Variants in WDR11 observed in about 807,000 individuals in gnomAD.
WDR11 encodes WD repeat-containing protein 11.
WDR11 carries 83 observed loss-of-function variants against 151.2 expected under a neutral mutation model. The ratio of observed to expected loss-of-function variants is 0.55; its 90% confidence interval spans 0.46 to 0.66. WDR11 has a LOEUF of 0.66. Ranked by LOEUF, WDR11 falls within the 30% of genes least tolerant of loss-of-function variation. The pLI, the probability that WDR11 is intolerant of heterozygous loss-of-function variation, is 0.00. For synonymous variants in WDR11, 484 were observed against 533.1 expected (o/e 0.91, Z 1.27); for missense variants, 1,301 against 1,480.9 (o/e 0.88, Z 1.99).
intron 4 of WDR11, among the ~76,000 whole-genome samples, 158 bp downstream of exon 4, chr10:120,860,440 A>T (rs937590889): frequency 6.6e-6 from 1 of 152,200 alleles, no homozygotes. Flanking sequence ...GCAGCTCCTA[A>T]TACACATACT....
chr10:120,858,625 G>C lies in WDR11; in HGVS notation c.199-18G>C, dbSNP rs535792986. ...TCCAGCGCAAGTATTTACTTGATCTGATTTCTTCTTGATACAGGTTAAATG... is the reference window on the plus strand; with the variant it reads ...TCCAGCGCAAGTATTTACTTGATCTCATTTCTTCTTGATACAGGTTAAATG... On this transcript the variant is annotated intron_variant, in intron 2 of 28. Transcript: ENST00000263461. The C allele has an allele frequency of 1.2e-5, 19 of 1,614,100 alleles. No individual in the cohort carries two copies. In the African/African-American group the frequency reaches 2.1e-4, roughly 18 times the overall value.
chr10:120,861,254 A>G (rs1326830753), intron 4 of WDR11, among the ~76,000 whole-genome samples: 2 of 152,190 alleles, frequency 1.3e-5, no homozygotes, highest in East Asian at 1.9e-4. Flanking sequence ...CACGTGTTAA[A>G]GGAGGAAGAG....
chr10:120,858,874 C>T, intron 3 of WDR11, 78 bp downstream of exon 3: 1 of 1,554,308 alleles, frequency 6.4e-7, no homozygotes, highest in Non-Finnish European at 8.8e-7. Flanking sequence ...TGGGGGTTTT[C>T]CCCCATTCAT....
In WDR11 at chr10:120,880,674, A is replaced by G. The variant is rs756390205; in HGVS notation, c.1664-152A>G. 9.4e-6 allele frequency: 7 copies of G among 745,318 alleles called. No individual in the cohort carries two copies. The African/African-American group carries it at 1.1e-4, about 11-fold the overall frequency. The allele number at this position is 745,318 out of a possible 1,614,324, so 46.2% of individuals were successfully genotyped here. ...ACCATCTCAAAAAAAAAAACCCGAA[A>G]AAACAGAAACAGATTAGAAGCAAAT... On this transcript the variant is annotated intron_variant, in intron 12 of 28. Transcript: ENST00000263461.
At chr10:120,904,279 T>C in intron 24 of WDR11, 137 bp downstream of exon 24, 1 of 730,778 alleles carries the variant, frequency 1.4e-6, no homozygotes, top group Non-Finnish European at 2.3e-6. Context: ...CAGTTTAGGC[T>C]TTCTTTCAAA....
chr10:120,881,904 C>T (rs1017604142), intron 13 of WDR11, among the ~76,000 whole-genome samples: 11 of 152,040 alleles, frequency 7.2e-5, no homozygotes, highest in Non-Finnish European at 1.6e-4. Context: ...ATGTCAGCTA[C>T]GAGCTGACAT....
intron 16 of WDR11, among the ~76,000 whole-genome samples, chr10:120,887,969 G>T (rs1847281596): frequency 1.3e-5 from 2 of 151,606 alleles, no homozygotes; most frequent in African/African-American, 4.8e-5. Flanking sequence ...TTATAATATT[G>T]ATTTTTAAAT....
chr10:120,894,043 G>T lies in WDR11; in HGVS notation c.2515+3156G>T, dbSNP rs373791487. On this transcript the variant is annotated intron_variant, in intron 19 of 28. Transcript: ENST00000263461. ...AATTAGATCCCATTTGTCAATTTTG[G>T]CTTTTGTTGCCATTGCTTTTGGTGT... is the stretch of plus-strand genomic sequence containing the variant. Among the ~76,000 whole-genome samples, 1,016 of 151,486 alleles carry T rather than the reference G, an allele frequency of 6.7e-3. 14 individuals carry two copies. The highest frequency in any genetic ancestry group is 0.022 in the African/African-American group (908 of 41,248).
chr10:120,875,986 T>TTC (rs1846768192), intron 11 of WDR11, among the ~76,000 whole-genome samples: 1 of 147,848 alleles, frequency 6.8e-6, no homozygotes, highest in Non-Finnish European at 1.5e-5. Flanking sequence ...TTCTTTTTTT[T>TTC]TTTTTTTTTG....
At chr10:120,861,867 A>G (rs1419314325) in intron 4 of WDR11, among the ~76,000 whole-genome samples, 1 of 152,116 alleles carries the variant, frequency 6.6e-6, no homozygotes. Flanking sequence ...TTTTTGTTTC[A>G]TGTACACTTA....
chr10:120,869,348 C>T (rs903628474), intron 9 of WDR11, among the ~76,000 whole-genome samples: 3 of 151,684 alleles, frequency 2.0e-5, no homozygotes, highest in African/African-American at 4.9e-5. Context: ...CTCCTGACCT[C>T]GTGATCCGCC....
In WDR11 at chr10:120,902,254, C is replaced by T. The variant is rs753280622; in HGVS notation, c.2688-3C>T. ...CTCACTTTTGTCCGGATTTCTTCCA[C>T]AGTGACATAAAGAAACTGTTGCTTG... is the stretch of plus-strand genomic sequence containing the variant. On this transcript the variant is annotated splice_polypyrimidine_tract_variant and splice_region_variant and intron_variant, in intron 21 of 28. Transcript: ENST00000263461. The T allele has an allele frequency of 3.7e-6, 6 of 1,613,974 alleles. No homozygotes were observed. The highest frequency in any genetic ancestry group is 8.5e-7 in the Non-Finnish European group (1 of 1,179,864).
At chr10:120,882,559 A>G (rs1383662106) in intron 13 of WDR11, among the ~76,000 whole-genome samples, 1 of 128,984 alleles carries the variant, frequency 7.8e-6, no homozygotes, top group African/African-American at 3.1e-5. Context: ...TTTTTTTCAT[A>G]AATATAGGAC....
Position 120,871,163 on chromosome 10 carries a change from A to G in WDR11, c.1295-7A>G, listed in dbSNP as rs754574911. On this transcript the variant is annotated splice_region_variant and splice_polypyrimidine_tract_variant and intron_variant, in intron 9 of 28. Transcript: ENST00000263461. ...TTAATATATTTGTTATTTTTATTAC[A>G]AATCAGGGCAAAGTGCAATTGCTGG... 6.2e-7 allele frequency: 1 copy of G among 1,614,156 alleles called. No individual in the cohort carries two copies.
In WDR11 at chr10:120,908,404, T is replaced by A; in HGVS notation, c.3518-152T>A. On this transcript the variant is annotated intron_variant, in intron 28 of 28. Coordinates refer to ENST00000263461, the MANE Select transcript of WDR11 (RefSeq NM_018117.12). ...AATCACCCTCTGCCCGCGAAAAGTC[T>A]CCTGTGTTCATCCTGTGCTGCCCGC... The A allele has an allele frequency of 3.9e-6, 3 of 774,058 alleles. No individual in the cohort carries two copies. In the Admixed American group the frequency reaches 5.8e-5, roughly 15 times the overall value. 47.9% of individuals were successfully genotyped at this position (774,058 alleles called of 1,614,324 possible).
intron 17 of WDR11, chr10:120,889,559 T>C: frequency 2.4e-6 from 1 of 412,212 alleles, no homozygotes; most frequent in East Asian, 5.4e-5. Flanking sequence ...CATCTTGATA[T>C]GGTTCCATTA....
At chr10:120,852,342 C>A in intron 1 of WDR11, 182 bp from the exon 2 acceptor site, 1 of 589,496 alleles carries the variant, frequency 1.7e-6, no homozygotes, top group Middle Eastern at 2.9e-4. Flanking sequence ...TTTCAACAAG[C>A]ATTTTAAGCT....
chr10:120,901,119 T>G (rs748506797), intron 21 of WDR11, 21 bp downstream of exon 21: 2 of 1,571,202 alleles, frequency 1.3e-6, no homozygotes, highest in Admixed American at 3.3e-5. Flanking sequence ...CATGTTTCAT[T>G]AGAAGATAGG....
chr10:120,908,681 G>C lies in WDR11; in HGVS notation c.3643G>C (p.Glu1215Gln), dbSNP rs1206716038. 1 of 1,614,160 alleles carries C rather than the reference G, an allele frequency of 6.2e-7. No individual in the cohort carries two copies. Among genetic ancestry groups the C allele is most frequent in the Non-Finnish European group, 8.5e-7 (1 of 1,180,030 alleles). The change falls in exon 29 of 29, where the codon GAG becomes CAG. Residue 1215 changes from glutamate to glutamine, a missense_variant. Transcript: ENST00000263461. ...AAGKDLLNEL[E>Q]SPKEEPIEE ...TGGCAAAGACTTATTGAATGAGCTT[G>C]AGTCCCCCAAGGAAGAACCCATTGA...
Sources: gnomAD v4.1 joint callset for allele counts (sites outside exome capture counted in the v4.1 genomes callset) on GRCh38, gnomAD v4.1.1 for gene constraint, MANE v1.5 for transcripts, NCBI Gene and HGNC (gene_info 2026-07-23, HGNC 2026-07-21) for gene names.